Variants in HECW1 observed in about 807,000 individuals in gnomAD.
HECW1 encodes the protein E3 ubiquitin-protein ligase HECW1.
In HECW1, 61 loss-of-function variants were observed where a neutral mutation model predicts 182.3. The ratio of observed to expected loss-of-function variants is 0.33; its 90% CI spans 0.27 to 0.41. The LOEUF (loss-of-function observed/expected upper bound fraction) is 0.41. HECW1 is among the 10% of genes least tolerant of loss of function. HECW1 has a pLI of 1.00. For missense variants in HECW1, 1,739 were observed against 2,108.9 expected (o/e 0.82, Z 3.44); for synonymous variants, 859 against 832.6 (o/e 1.03, Z -0.55).
intron 2 of HECW1, among the ~76,000 whole-genome samples, chr7:43,222,542 G>C (rs889182009): frequency 6.6e-6 from 1 of 152,118 alleles, no homozygotes; most frequent in Non-Finnish European, 1.5e-5. Context: ...ATCTTTCTGG[G>C]GTGAGATCTT....
At chr7:43,121,510 C>T (rs560785509) in intron 2 of HECW1, among the ~76,000 whole-genome samples, 47 of 152,078 alleles carry the variant, frequency 3.1e-4, no homozygotes, top group African/African-American at 1.0e-3. Flanking sequence ...TGTGCTTTTC[C>T]GTAGTTGTGT....
chr7:43,173,406 A>G (rs541184544), intron 2 of HECW1, among the ~76,000 whole-genome samples: 1 of 152,028 alleles, frequency 6.6e-6, no homozygotes, highest in Non-Finnish European at 1.5e-5. Flanking sequence ...ACCCCTCCCC[A>G]TGTGTTAGGA....
intron 8 of HECW1, among the ~76,000 whole-genome samples, chr7:43,429,002 T>C (rs1489972422): frequency 1.3e-5 from 2 of 150,746 alleles, no homozygotes; most frequent in Non-Finnish European, 3.0e-5. Context: ...ATATATAATA[T>C]ACAAATATAT....
intron 6 of HECW1, among the ~76,000 whole-genome samples, chr7:43,364,257 T>C (rs374743365): frequency 2.0e-5 from 3 of 152,226 alleles, no homozygotes; most frequent in African/African-American, 7.2e-5. Context: ...CAATTCTTTT[T>C]CTCATTGTCT....
chr7:43,301,374 C>A (rs1395159732), intron 3 of HECW1, among the ~76,000 whole-genome samples: 1 of 152,234 alleles, frequency 6.6e-6, no homozygotes, highest in East Asian at 1.9e-4. Flanking sequence ...CAGCATCTCT[C>A]TCCCTTCTAG....
chr7:43,286,314 C>T (rs1016512401), intron 3 of HECW1, among the ~76,000 whole-genome samples: 2 of 152,138 alleles, frequency 1.3e-5, no homozygotes, highest in Non-Finnish European at 2.9e-5. Context: ...GTGATAATGC[C>T]ATCAAGACTG....
chr7:43,497,058 T>C (rs534482553), intron 19 of HECW1, among the ~76,000 whole-genome samples: 14 of 152,288 alleles, frequency 9.2e-5, no homozygotes, highest in African/African-American at 3.1e-4. Context: ...TTAAGTGCCA[T>C]GAAGAACATG....
At position 43,468,917 on chromosome 7, in the gene HECW1, C is replaced by CA; in HGVS notation, c.2914-2dup. On this transcript the variant is annotated splice_polypyrimidine_tract_variant and splice_region_variant and intron_variant, in intron 15 of 29. Coordinates refer to ENST00000395891, the MANE Select transcript of HECW1 (RefSeq NM_015052.5). ...TTACCCCGTCCGCCCTGACCTGTCT[C>CA]AGAGTGCCTACCGAGTCTTCACCAG... is the stretch of plus-strand genomic sequence containing the variant. 1 of 1,614,124 alleles carries CA rather than the reference C, an allele frequency of 6.2e-7. No individual in the cohort carries two copies. The highest frequency in any genetic ancestry group is 8.5e-7 in the Non-Finnish European group (1 of 1,179,988).
At chr7:43,475,544 A>T (rs1045801204) in intron 16 of HECW1, among the ~76,000 whole-genome samples, 1 of 151,828 alleles carries the variant, frequency 6.6e-6, no homozygotes, top group East Asian at 1.9e-4. Flanking sequence ...TAAAAATTAA[A>T]TATTTATTTA....
chr7:43,379,227 C>T (rs1466770128), intron 6 of HECW1, among the ~76,000 whole-genome samples: 1 of 152,184 alleles, frequency 6.6e-6, no homozygotes. Context: ...AGCACTGCAC[C>T]TCTCTGATGT....
chr7:43,296,124 A>G (rs1806017424), intron 3 of HECW1, among the ~76,000 whole-genome samples: 1 of 152,206 alleles, frequency 6.6e-6, no homozygotes, highest in Non-Finnish European at 1.5e-5. Context: ...TTGTAATCAC[A>G]TAAGAGGAAT....
At chr7:43,511,975 T>C (rs1418370133) in intron 24 of HECW1, 1 of 202,240 alleles carries the variant, frequency 4.9e-6, no homozygotes, top group Non-Finnish European at 1.0e-5. Context: ...GAAACCAGAA[T>C]CCTGAGTCCT....
At chr7:43,561,583 T>C (rs2082209690) in intron 29 of HECW1, among the ~76,000 whole-genome samples, 1 of 152,260 alleles carries the variant, frequency 6.6e-6, no homozygotes, top group African/African-American at 2.4e-5. Flanking sequence ...TCTAGTGTAG[T>C]TGGTTTGCTT....
intron 5 of HECW1, among the ~76,000 whole-genome samples, chr7:43,344,656 T>A (rs1045271524): frequency 1.3e-5 from 2 of 152,186 alleles, no homozygotes; most frequent in Admixed American, 6.5e-5. Context: ...TATTTTAGAC[T>A]ATCTGCTAGT....
chr7:43,368,950 C>A (rs545026427), intron 6 of HECW1, among the ~76,000 whole-genome samples: 1 of 152,212 alleles, frequency 6.6e-6, no homozygotes, highest in South Asian at 2.1e-4. Flanking sequence ...AATGGAAATC[C>A]TAATGGAAAG....
chr7:43,466,668 C>A, intron 15 of HECW1, 100 bp downstream of exon 15: 3 of 1,340,138 alleles, frequency 2.2e-6, no homozygotes, highest in Admixed American at 2.2e-5. Flanking sequence ...AGAATTTTAA[C>A]ATAAGCAAGA....
chr7:43,231,718 A>T (rs527965024), intron 2 of HECW1, among the ~76,000 whole-genome samples: 3 of 152,256 alleles, frequency 2.0e-5, no homozygotes, highest in Non-Finnish European at 4.4e-5. Context: ...ATGTATTCTG[A>T]CATAAGAACC....
intron 2 of HECW1, 142 bp downstream of exon 2, chr7:43,114,533 G>A (rs749525826): frequency 3.6e-5 from 26 of 721,400 alleles, no homozygotes; most frequent in Non-Finnish European, 4.2e-5. Flanking sequence ...CCTGTTGGTA[G>A]AATTCCCTGT....
At chr7:43,557,397 T>A (rs1267822728) in intron 29 of HECW1, among the ~76,000 whole-genome samples, 2 of 152,194 alleles carry the variant, frequency 1.3e-5, no homozygotes, top group Non-Finnish European at 2.9e-5. Flanking sequence ...CCAGGCTACA[T>A]AAAACCTTTG....
Sources: gnomAD v4.1 joint callset for allele counts (sites outside exome capture counted in the v4.1 genomes callset) on GRCh38, gnomAD v4.1.1 for gene constraint, MANE v1.5 for transcripts, NCBI Gene and HGNC (gene_info 2026-07-23, HGNC 2026-07-21) for gene names.